CXXC5: variants seen among roughly 807,000 people sequenced by gnomAD.
CXXC5 encodes the protein CXXC-type zinc finger protein 5.
CXXC5 carries 2 observed loss-of-function variants against 17.6 expected under a neutral mutation model. The observed-to-expected ratio is 0.11, with a 90% CI of 0.05 to 0.36. The LOEUF is 0.36. Among genes scored for constraint, CXXC5 ranks in the 10% least tolerant of loss-of-function variants. The probability of loss-of-function intolerance (pLI) is 1.00; values close to 1 mark genes in which losing one functional copy is unlikely to be tolerated. For missense variants in CXXC5, 343 were observed against 458.3 expected (o/e 0.75, Z 2.30); for synonymous variants, 171 against 193.0 (o/e 0.89, Z 0.94).
At chr5:139,669,725 C>T (rs1756342560) in intron 1 of CXXC5, among the ~76,000 whole-genome samples, 1 of 152,158 alleles carries the variant, frequency 6.6e-6, no homozygotes, top group South Asian at 2.1e-4. Flanking sequence ...TCTACACACA[C>T]ACTCAGCCCC....
intron 1 of CXXC5, among the ~76,000 whole-genome samples, chr5:139,665,247 C>G (rs1756040211): frequency 6.6e-6 from 1 of 152,270 alleles, no homozygotes; most frequent in Admixed American, 6.5e-5. Context: ...TAATCTCAGC[C>G]CCTTTGGGAA....
chr5:139,656,866 A>G (rs938197962), intron 1 of CXXC5, among the ~76,000 whole-genome samples: 1 of 152,168 alleles, frequency 6.6e-6, no homozygotes, highest in African/African-American at 2.4e-5. Flanking sequence ...CTGGGATTAC[A>G]GGTGTGCGCC....
At chr5:139,655,282 G>C (rs1277622816) in intron 1 of CXXC5, among the ~76,000 whole-genome samples, 3 of 152,240 alleles carry the variant, frequency 2.0e-5, no homozygotes, top group Middle Eastern at 3.4e-3. Context: ...AGGTGGGGCA[G>C]CCCTCCGCCT....
chr5:139,675,959 G>C (rs1428812668), intron 1 of CXXC5, among the ~76,000 whole-genome samples: 1 of 151,950 alleles, frequency 6.6e-6, no homozygotes, highest in Admixed American at 6.5e-5. Flanking sequence ...CAGAGCCTTA[G>C]GGTAGAGGCA....
chr5:139,675,283 G>T (rs933173040), intron 1 of CXXC5, among the ~76,000 whole-genome samples: 2 of 152,178 alleles, frequency 1.3e-5, no homozygotes, highest in Non-Finnish European at 2.9e-5. Context: ...GTCATCCCAG[G>T]ATGTCCCCTC....
chr5:139,665,710 T>G (rs549053585), intron 1 of CXXC5: 2 of 152,404 alleles, frequency 1.3e-5, no homozygotes, highest in African/African-American at 4.8e-5. Flanking sequence ...CGGCCAGTCT[T>G]GCTGACGTCA....
chr5:139,680,350 T>C lies in CXXC5; in HGVS notation c.-160-14T>C. 1 of 904,454 alleles carries C rather than the reference T, an allele frequency of 1.1e-6. No homozygotes were observed. Among genetic ancestry groups the C allele is most frequent in the Non-Finnish European group, 1.6e-6 (1 of 615,978 alleles). The allele number at this position is 904,454 out of a possible 1,614,324, so 56.0% of individuals were successfully genotyped here. A position where few individuals can be genotyped will look rare whatever the true frequency, so the allele number is the denominator to read the frequency against. ...TGTTCACTGCTGCCCTGACCCTGTA[T>C]CCTCTTGTGACAGAGTGAAGACATT... On this transcript the variant is annotated splice_polypyrimidine_tract_variant and intron_variant, in intron 1 of 2. Coordinates refer to ENST00000302517, the MANE Select transcript of CXXC5 (RefSeq NM_016463.9).
chr5:139,651,981 T>C (rs2126736593), intron 1 of CXXC5, among the ~76,000 whole-genome samples: 1 of 152,242 alleles, frequency 6.6e-6, no homozygotes, highest in East Asian at 1.9e-4. Flanking sequence ...CCCACCCTTC[T>C]GGTGGTACAC....
rs773579664 is a variant in CXXC5, at chr5:139,661,459, C to G, written c.-161+12614C>G. Among the ~76,000 whole-genome samples the G allele has an allele frequency of 6.6e-6, 1 of 152,218 alleles. No homozygotes were observed. Among genetic ancestry groups the G allele is most frequent in the African/African-American group, 2.4e-5 (1 of 41,438 alleles). ...TACAGACTCGGTCACATGCACCATG[C>G]ACACACAGCTCCCATGTGGTGCTCC... is the stretch of plus-strand genomic sequence containing the variant. On this transcript the variant is annotated intron_variant, in intron 1 of 2. Coordinates refer to ENST00000302517, the MANE Select transcript of CXXC5 (RefSeq NM_016463.9). The surrounding 1 kb of genome is among the most constrained non-coding windows in gnomAD (Gnocchi z 4.7).
At chr5:139,650,079 T>C (rs1014471869) in intron 1 of CXXC5, among the ~76,000 whole-genome samples, 4 of 152,298 alleles carry the variant, frequency 2.6e-5, no homozygotes, top group South Asian at 2.1e-4. Context: ...AGATCTCTTT[T>C]TGTTCTTTTT....
At chr5:139,672,264 T>G (rs1243214951) in intron 1 of CXXC5, among the ~76,000 whole-genome samples, 1 of 152,176 alleles carries the variant, frequency 6.6e-6, no homozygotes, top group Non-Finnish European at 1.5e-5. Flanking sequence ...ATTACAGGCA[T>G]GCACCACCAC....
chr5:139,673,766 T>C (rs1756615434), intron 1 of CXXC5, among the ~76,000 whole-genome samples: 1 of 147,652 alleles, frequency 6.8e-6, no homozygotes, highest in South Asian at 2.1e-4. Flanking sequence ...TGCTTGAACC[T>C]GGGAGGCGGA....
intron 1 of CXXC5, among the ~76,000 whole-genome samples, chr5:139,678,016 G>A (rs1464271535): frequency 3.9e-5 from 6 of 152,368 alleles, no homozygotes; most frequent in East Asian, 1.9e-4. Flanking sequence ...CCGCAGAGGC[G>A]GGGGACGCAC....
chr5:139,661,568 A>G lies in CXXC5; in HGVS notation c.-161+12723A>G, dbSNP rs1225432985. Among the ~76,000 whole-genome samples the G allele has an allele frequency of 3.3e-5, 5 of 152,166 alleles. No homozygotes were observed. Among genetic ancestry groups the G allele is most frequent in the African/African-American group, 7.2e-5 (3 of 41,418 alleles). Reference sequence around the variant, plus strand: ...CGTACCTAGGCGAATGCACATACACAGGCACACATAGGCGTGCACACATAG... The same window carrying G: ...CGTACCTAGGCGAATGCACATACACGGGCACACATAGGCGTGCACACATAG... On this transcript the variant is annotated intron_variant, in intron 1 of 2. Transcript: ENST00000302517. The surrounding 1 kb of genome is among the most constrained non-coding windows in gnomAD (Gnocchi z 4.7).
At chr5:139,666,722 G>A (rs1355671108) in intron 1 of CXXC5, among the ~76,000 whole-genome samples, 1 of 152,262 alleles carries the variant, frequency 6.6e-6, no homozygotes, top group Non-Finnish European at 1.5e-5. Context: ...GAGCTGCGGA[G>A]AGGTGCAGGG....
chr5:139,681,526 A>C, intron 2 of CXXC5, 79 bp downstream of exon 2: 1 of 1,481,476 alleles, frequency 6.8e-7, no homozygotes, highest in Non-Finnish European at 9.0e-7. Flanking sequence ...CCCTGACCCC[A>C]CTTTTCCTAC....
intron 1 of CXXC5, among the ~76,000 whole-genome samples, chr5:139,656,805 AC>A: frequency 6.6e-6 from 1 of 151,806 alleles, no homozygotes; most frequent in South Asian, 2.1e-4. Flanking sequence ...ACTCACTGCA[AC>A]CCCCACCTCC....
intron 1 of CXXC5, among the ~76,000 whole-genome samples, chr5:139,678,708 G>A (rs375376994): frequency 2.2e-4 from 34 of 152,288 alleles, no homozygotes; most frequent in Middle Eastern, 6.8e-3. Context: ...TCTTGGGACA[G>A]GCTTGAGTCC....
At chr5:139,675,403 A>G (rs139147959) in intron 1 of CXXC5, 1 of 152,186 alleles carries the variant, frequency 6.6e-6, no homozygotes, top group African/African-American at 2.4e-5. Context: ...ACCTCCAGTG[A>G]CCTCACTGCC....
Sources: allele counts gnomAD v4.1 joint callset (sites outside exome capture counted in the v4.1 genomes callset), GRCh38; gene constraint gnomAD v4.1.1; non-coding constraint Gnocchi (gnomAD v3.1); transcripts MANE v1.5; gene names NCBI Gene and HGNC (gene_info 2026-07-23, HGNC 2026-07-21).